The following NRG3 variants were observed in gnomAD, a reference collection of about 807,000 sequenced individuals.
NRG3 encodes the protein pro-neuregulin-3, membrane-bound isoform.
NRG3 carries 31 observed loss-of-function variants against 66.9 expected under a neutral mutation model. That is an observed-to-expected ratio of 0.46 (90% confidence interval 0.35 to 0.63). The LOEUF (loss-of-function observed/expected upper bound fraction) is 0.63. NRG3 is among the 20% of genes least tolerant of loss of function. NRG3 has a pLI of 0.00. For synonymous variants in NRG3, 393 were observed against 359.4 expected, an observed-to-expected ratio of 1.09 and a Z score of -1.06; for missense variants, 910 against 878.9, an observed-to-expected ratio of 1.04 and a Z score of -0.45.
intron 2 of NRG3, among the ~76,000 whole-genome samples, chr10:82,619,124 A>G (rs1394894282): frequency 3.9e-5 from 6 of 152,020 alleles, no homozygotes; most frequent in African/African-American, 1.4e-4. Context: ...TTCCATTTAT[A>G]TTTTAGTATA....
intron 4 of NRG3, among the ~76,000 whole-genome samples, chr10:82,916,269 C>G (rs1845823359): frequency 1.3e-5 from 2 of 152,100 alleles, no homozygotes; most frequent in Non-Finnish European, 2.9e-5. Context: ...CTGGACAACA[C>G]AGCAAGGCCC....
chr10:82,386,098 T>G (rs1326544812), intron 2 of NRG3, among the ~76,000 whole-genome samples: 4 of 152,178 alleles, frequency 2.6e-5, no homozygotes, highest in African/African-American at 9.6e-5. Context: ...TTAAGCACAT[T>G]TGTTTACTTT....
intron 1 of NRG3, among the ~76,000 whole-genome samples, chr10:82,204,902 G>C (rs1037385161): frequency 6.6e-6 from 1 of 152,204 alleles, no homozygotes; most frequent in Non-Finnish European, 1.5e-5. Context: ...GAGGATGTTT[G>C]CACAAGGTTT....
At chr10:82,671,005 G>T (rs932070176) in intron 2 of NRG3, among the ~76,000 whole-genome samples, 1 of 152,178 alleles carries the variant, frequency 6.6e-6, no homozygotes, top group African/African-American at 2.4e-5. Context: ...CCACCTCTGG[G>T]AGGCAATAAG....
intron 3 of NRG3, among the ~76,000 whole-genome samples, chr10:82,862,842 T>TTTTAA (rs2064204032): frequency 1.3e-5 from 2 of 152,100 alleles, no homozygotes; most frequent in Admixed American, 1.3e-4. Flanking sequence ...TCTTCTTTAT[T>TTTTAA]TTTATTTTAT....
chr10:82,212,530 A>C (rs1358333563), intron 1 of NRG3, among the ~76,000 whole-genome samples: 1 of 152,198 alleles, frequency 6.6e-6, no homozygotes, highest in Non-Finnish European at 1.5e-5. Flanking sequence ...GTTCCAAAAA[A>C]GTTGTCACTT....
chr10:82,387,059 C>A (rs1343358878), intron 2 of NRG3, among the ~76,000 whole-genome samples: 1 of 152,232 alleles, frequency 6.6e-6, no homozygotes, highest in Non-Finnish European at 1.5e-5. Context: ...CTTGGCCTCA[C>A]AAAGTGCTGG....
intron 1 of NRG3, among the ~76,000 whole-genome samples, chr10:82,021,812 G>C (rs2062074791): frequency 8.0e-6 from 1 of 125,006 alleles, no homozygotes; most frequent in Admixed American, 8.0e-5. Context: ...GTGTGTGTGT[G>C]TGTGTGTGTG....
Position 82,787,400 on chromosome 10 carries a change from A to C in NRG3, c.1027+48750A>C, listed in dbSNP as rs77496922. On this transcript the variant is annotated intron_variant, in intron 3 of 8. Coordinates refer to ENST00000372141, the MANE Select transcript of NRG3 (RefSeq NM_001010848.4). The stretch of plus-strand genomic sequence containing the variant: ...AAACTCTAGGCGATCATATCATGCT[A>C]TAAGTACATGAAGAAAAGAACAATT... Among the ~76,000 whole-genome samples, 3 of 152,290 alleles carry C rather than the reference A, an allele frequency of 2.0e-5. No individual in the cohort carries two copies. The East Asian group carries it at 5.8e-4, about 29-fold the overall frequency.
chr10:82,273,851 T>C (rs2078716033), intron 1 of NRG3, among the ~76,000 whole-genome samples: 1 of 152,002 alleles, frequency 6.6e-6, no homozygotes, highest in South Asian at 2.1e-4. Flanking sequence ...GATGATATTC[T>C]TTCATTTCCC....
intron 2 of NRG3, among the ~76,000 whole-genome samples, chr10:82,677,496 G>C: frequency 6.6e-6 from 1 of 152,122 alleles, no homozygotes; most frequent in East Asian, 1.9e-4. Flanking sequence ...ATAGAAAAAT[G>C]AAACTCTTGC....
intron 1 of NRG3, among the ~76,000 whole-genome samples, chr10:81,940,017 T>C (rs188164597): frequency 2.2e-4 from 33 of 152,232 alleles, no homozygotes; most frequent in Middle Eastern, 3.4e-3. Context: ...TTTTATGATT[T>C]ATTTTTGACT....
At chr10:82,124,514 G>A (rs1056740748) in intron 1 of NRG3, among the ~76,000 whole-genome samples, 1 of 151,752 alleles carries the variant, frequency 6.6e-6, no homozygotes, top group African/African-American at 2.4e-5. Flanking sequence ...TAAGTGAGGC[G>A]GAACTTTCTG....
chr10:82,206,744 C>G (rs2075136964), intron 1 of NRG3, among the ~76,000 whole-genome samples: 1 of 152,174 alleles, frequency 6.6e-6, no homozygotes. Flanking sequence ...AAATAGTTTT[C>G]TCTATTTAGT....
rs1314363371 is a variant in NRG3 at position 82,057,810 on chromosome 10, G to C, written c.823+181647G>C. Among the ~76,000 whole-genome samples the C allele has an allele frequency of 2.6e-5, 4 of 152,118 alleles. No individual in the cohort carries two copies. In the East Asian group the frequency reaches 5.8e-4, roughly 22 times the overall value. ...GAGTTACCATGTATCAGGGATTCAA[G>C]ATACTCACAGGGAGTCTTCAATCTG... On this transcript the variant is annotated intron_variant, in intron 1 of 8. Transcript: ENST00000372141.
At chr10:82,979,174 TTTAAG>T in intron 8 of NRG3, 54 bp downstream of exon 8, 15 of 1,558,122 alleles carry the variant, frequency 9.6e-6, no homozygotes, top group Non-Finnish European at 1.3e-5. Context: ...ATGCCATAGC[TTTAAG>T]TTAAGTTTTA....
At chr10:81,931,130 T>C (rs1471017253) in intron 1 of NRG3, among the ~76,000 whole-genome samples, 2 of 152,178 alleles carry the variant, frequency 1.3e-5, no homozygotes, top group Admixed American at 6.5e-5. Flanking sequence ...TGATTAAACA[T>C]TGGCCCCATT....
chr10:82,811,391 T>C (rs112059834), intron 3 of NRG3, among the ~76,000 whole-genome samples: 2 of 152,356 alleles, frequency 1.3e-5, no homozygotes, highest in Non-Finnish European at 2.9e-5. Context: ...GTTCCCTTTT[T>C]AGAAAGGGAG....
intron 1 of NRG3, among the ~76,000 whole-genome samples, chr10:82,074,698 A>T (rs1181264693): frequency 1.3e-5 from 2 of 152,152 alleles, no homozygotes; most frequent in Non-Finnish European, 1.5e-5. Flanking sequence ...TTAGCTGGGC[A>T]TAGTAGTGTG....
Sources: gnomAD v4.1 joint callset for allele counts (sites outside exome capture counted in the v4.1 genomes callset) on GRCh38, gnomAD v4.1.1 for gene constraint, MANE v1.5 for transcripts, NCBI Gene and HGNC (gene_info 2026-07-23, HGNC 2026-07-21) for gene names.